Variants in MACROD1 observed in about 807,000 individuals in gnomAD.
The protein encoded by MACROD1 is ADP-ribose glycohydrolase MACROD1.
Under a neutral mutation model 41.4 loss-of-function variants are expected in MACROD1, and 31 were observed. The ratio of observed to expected loss-of-function variants is 0.75; its 90% CI spans 0.56 to 1.01. The LOEUF is 1.01. Ranked by LOEUF, MACROD1 falls within the 50% of genes least tolerant of loss-of-function variation. MACROD1 has a pLI of 0.00. For synonymous variants in MACROD1, 252 were observed against 203.4 expected, an observed-to-expected ratio of 1.24 and a Z score of -2.03; for missense variants, 473 against 460.0, an observed-to-expected ratio of 1.03 and a Z score of -0.26.
chr11:64,059,321 C>T (rs1225918395), intron 3 of MACROD1, among the ~76,000 whole-genome samples: 1 of 152,130 alleles, frequency 6.6e-6, no homozygotes, highest in African/African-American at 2.4e-5. Context: ...AAGGTGGATG[C>T]GTGTAGCCAC....
chr11:64,134,648 C>T (rs1028990627), intron 3 of MACROD1, among the ~76,000 whole-genome samples: 7 of 152,064 alleles, frequency 4.6e-5, no homozygotes, highest in Non-Finnish European at 1.0e-4. Flanking sequence ...CCTGCCTCCC[C>T]GGCTGCGCCA....
At chr11:64,102,153 A>T (rs1944681511) in intron 3 of MACROD1, among the ~76,000 whole-genome samples, 1 of 152,226 alleles carries the variant, frequency 6.6e-6, no homozygotes, top group South Asian at 2.1e-4. Context: ...TTCAAACCAG[A>T]GTGAGCACTC....
Position 64,165,690 on chromosome 11 carries a change from C to T in MACROD1, c.298+7G>A, listed in dbSNP as rs1325775439. 6.3e-6 allele frequency: 9 copies of T among 1,438,006 alleles called. No individual in the cohort carries two copies. Among genetic ancestry groups the T allele is most frequent in the Non-Finnish European group, 8.2e-6 (9 of 1,092,726 alleles). 89.1% of individuals were successfully genotyped at this position (1,438,006 alleles called of 1,614,324 possible). A position where few individuals can be genotyped will look rare whatever the true frequency, so the allele number is the denominator to read the frequency against. Reference sequence around the variant, plus strand: ...TCTCCCTCGCGCCCCCTCGTGCTTACACTTACATTTCGCCTCCTTCCAGTC... The same window carrying T: ...TCTCCCTCGCGCCCCCTCGTGCTTATACTTACATTTCGCCTCCTTCCAGTC... On this transcript the variant is annotated splice_region_variant and intron_variant, in intron 1 of 10. Transcript: ENST00000255681.
chr11:64,088,387 G>A (rs76672095), intron 3 of MACROD1, among the ~76,000 whole-genome samples: 4,121 of 152,260 alleles, frequency 0.027, 70 homozygotes, highest in Middle Eastern at 0.068. Flanking sequence ...TGCGGGCCTC[G>A]GGGTCCTCAC....
At chr11:64,080,864 A>G (rs1467889915) in intron 3 of MACROD1, among the ~76,000 whole-genome samples, 8 of 152,180 alleles carry the variant, frequency 5.3e-5, no homozygotes, top group Admixed American at 5.2e-4. Flanking sequence ...CTGAGCAGCC[A>G]TCAGTGGCTG....
intron 3 of MACROD1, among the ~76,000 whole-genome samples, chr11:64,129,301 C>G (rs985612828): frequency 2.6e-5 from 4 of 152,250 alleles, no homozygotes; most frequent in African/African-American, 9.6e-5. Context: ...CTCTCTGTGC[C>G]TCAGTTTCCA....
At chr11:64,005,634 G>A (rs1040655000) in intron 4 of MACROD1, among the ~76,000 whole-genome samples, 3 of 152,242 alleles carry the variant, frequency 2.0e-5, no homozygotes, top group Non-Finnish European at 4.4e-5. Context: ...TCAACCTCAC[G>A]CCTCTGAAAT....
chr11:64,093,074 T>A (rs1944518187), intron 3 of MACROD1, among the ~76,000 whole-genome samples: 2 of 152,192 alleles, frequency 1.3e-5, no homozygotes, highest in Non-Finnish European at 1.5e-5. Context: ...ATCCAGGCTC[T>A]GGAGCAGACC....
At chr11:64,128,012 A>G (rs967185557) in intron 3 of MACROD1, among the ~76,000 whole-genome samples, 2 of 152,242 alleles carry the variant, frequency 1.3e-5, no homozygotes, top group African/African-American at 4.8e-5. Flanking sequence ...GATACAGTTA[A>G]CGGGTTTTTC....
intron 3 of MACROD1, among the ~76,000 whole-genome samples, chr11:64,139,816 C>T (rs1423428016): frequency 2.0e-5 from 3 of 151,890 alleles, no homozygotes; most frequent in South Asian, 2.1e-4. Flanking sequence ...ATTAGCCGGG[C>T]GTGGTGGCGG....
intron 3 of MACROD1, among the ~76,000 whole-genome samples, chr11:64,078,789 G>A (rs1321826619): frequency 6.6e-6 from 1 of 152,112 alleles, no homozygotes; most frequent in Non-Finnish European, 1.5e-5. Flanking sequence ...GACTGCAGGG[G>A]GGGAGGCCTC....
Position 64,000,329 on chromosome 11 carries a change from G to GCA in MACROD1, c.561_562insTG (p.His188CysfsTer62). 1 of 1,582,912 alleles carries GCA rather than the reference G, an allele frequency of 6.3e-7. No homozygotes were observed. The highest frequency in any genetic ancestry group is 8.6e-7 in the Non-Finnish European group (1 of 1,166,196). On this transcript the variant is annotated frameshift_variant, in exon 5 of 11. Transcript: ENST00000255681. LOFTEE classifies it high-confidence loss of function. ...GTAAGCAGGGGGCCGGCGGCCCGAT[G>GCA]AATGCAGCCGTCCACTGCGGGAAGG...
chr11:64,053,661 C>G (rs930972477), intron 3 of MACROD1, among the ~76,000 whole-genome samples: 7 of 152,170 alleles, frequency 4.6e-5, no homozygotes, highest in African/African-American at 1.7e-4. Context: ...GCGGGGTCCT[C>G]AGCAGGTGTG....
intron 3 of MACROD1, among the ~76,000 whole-genome samples, chr11:64,143,801 C>CACACACACACACACACACACACAA (rs762084927): frequency 6.9e-6 from 1 of 144,854 alleles, no homozygotes; most frequent in Non-Finnish European, 1.5e-5. Context: ...CACACACACA[C>CACACACACACACACACACACACAA]AATTTCCTGG....
chr11:64,060,165 G>A (rs1157439618), intron 3 of MACROD1, among the ~76,000 whole-genome samples: 1 of 152,250 alleles, frequency 6.6e-6, no homozygotes, highest in African/African-American at 2.4e-5. Context: ...TATTTAAGGC[G>A]CGGACGGCGG....
intron 3 of MACROD1, among the ~76,000 whole-genome samples, chr11:64,099,614 A>C (rs1944636350): frequency 6.6e-6 from 1 of 151,866 alleles, no homozygotes; most frequent in Admixed American, 6.6e-5. Context: ...ATGAATACAG[A>C]GATGGAAGGA....
At chr11:64,022,867 ATTT>A (rs922794608) in intron 3 of MACROD1, among the ~76,000 whole-genome samples, 9 of 90,768 alleles carry the variant, frequency 9.9e-5, no homozygotes, top group Non-Finnish European at 1.2e-4. Context: ...TTCCACATGG[ATTT>A]TTTTTTTTTT....
At chr11:64,066,072 G>T (rs1462959257) in intron 3 of MACROD1, among the ~76,000 whole-genome samples, 1 of 152,020 alleles carries the variant, frequency 6.6e-6, no homozygotes, top group African/African-American at 2.4e-5. Context: ...TGAGGTGGGC[G>T]GATCACCTGA....
At chr11:64,002,246 G>C (rs183001578) in intron 4 of MACROD1, among the ~76,000 whole-genome samples, 1 of 152,188 alleles carries the variant, frequency 6.6e-6, no homozygotes, top group Admixed American at 6.5e-5. Flanking sequence ...CGAAGTCTCT[G>C]GGGGCTCACC....
Sources: allele counts gnomAD v4.1 joint callset (sites outside exome capture counted in the v4.1 genomes callset), GRCh38; gene constraint gnomAD v4.1.1; transcripts MANE v1.5; gene names NCBI Gene and HGNC (gene_info 2026-07-23, HGNC 2026-07-21).